Variants in FMO5 observed in about 807,000 individuals in gnomAD.
FMO5 encodes the protein flavin containing dimethylaniline monoxygenase 5.
In FMO5, 51 loss-of-function variants were observed where a neutral mutation model predicts 43.6. The ratio of observed to expected loss-of-function variants is 1.17; its 90% CI spans 0.93 to 1.48. FMO5 has a LOEUF of 1.48. Ranked by LOEUF, FMO5 falls within the 40% of genes most tolerant of loss-of-function variation. The probability of loss-of-function intolerance (pLI) is 0.00; values close to 1 mark genes in which losing one functional copy is unlikely to be tolerated. For synonymous variants in FMO5, 187 were observed against 216.5 expected (o/e 0.86, Z 1.20); for missense variants, 644 against 643.0 (o/e 1.00, Z -0.02).
intron 2 of FMO5, 73 bp from the exon 3 acceptor site, chr1:147,216,015 G>C (rs1188218328): frequency 8.4e-7 from 1 of 1,191,864 alleles, no homozygotes; most frequent in Non-Finnish European, 1.2e-6. Context: ...ATAGACATCT[G>C]AAAAAGTTTT....
rs371087873 is a variant in FMO5, at chr1:147,213,303, C to T, written c.487+5G>A. On this transcript the variant is annotated splice_donor_5th_base_variant and intron_variant, in intron 4 of 8. Transcript: ENST00000254090. Reference sequence around the variant, plus strand: ...AAGGGTCTTCCTTCCTGGTAAGCTGCTCACCAGGGAAGCTTTCCAGAGGTA... The same window carrying T: ...AAGGGTCTTCCTTCCTGGTAAGCTGTTCACCAGGGAAGCTTTCCAGAGGTA... 1.9e-6 allele frequency: 3 copies of T among 1,599,126 alleles called. No homozygotes were observed. The highest frequency in any genetic ancestry group is 2.7e-5 in the African/African-American group (2 of 74,636).
At chr1:147,220,766 A>C (rs1662863247) in intron 2 of FMO5, among the ~76,000 whole-genome samples, 1 of 152,150 alleles carries the variant, frequency 6.6e-6, no homozygotes, top group South Asian at 2.1e-4. Flanking sequence ...CAGTTATACC[A>C]GCCCCATACA....
chr1:147,199,282 G>A (rs1658577277), intron 7 of FMO5, among the ~76,000 whole-genome samples: 1 of 152,170 alleles, frequency 6.6e-6, no homozygotes, highest in Non-Finnish European at 1.5e-5. Flanking sequence ...TTGGCATAGT[G>A]AAGGGATAAT....
chr1:147,204,159 T>C, intron 6 of FMO5: 1 of 1,167,606 alleles, frequency 8.6e-7, no homozygotes, highest in Non-Finnish European at 1.3e-6. Flanking sequence ...TCAGTCTTTA[T>C]CAACACTGTT....
At chr1:147,193,083 G>A (rs1657212816) in intron 7 of FMO5, among the ~76,000 whole-genome samples, 1 of 152,140 alleles carries the variant, frequency 6.6e-6, no homozygotes, top group Non-Finnish European at 1.5e-5. Flanking sequence ...CAGAAGGAAT[G>A]GTACCAGCTC....
chr1:147,204,982 G>C lies in FMO5; in HGVS notation c.831-3478C>G, dbSNP rs115881156. Reference sequence around the variant, plus strand: ...CGTGACCGCTCAGAAGACCGCGGAGGAACCAAAGGTTTTCATGCCTGATGA... The same window carrying C: ...CGTGACCGCTCAGAAGACCGCGGAGCAACCAAAGGTTTTCATGCCTGATGA... On this transcript the variant is annotated intron_variant, in intron 6 of 8. Coordinates refer to ENST00000254090, the MANE Select transcript of FMO5 (RefSeq NM_001461.4). The C allele has an allele frequency of 3.6e-3, 3,862 of 1,087,196 alleles. 102 individuals carry two copies. In the African/African-American group the frequency reaches 0.054, roughly 15 times the overall value. 67.3% of individuals were successfully genotyped at this position (1,087,196 alleles called of 1,614,324 possible).
chr1:147,216,267 C>T (rs894472), intron 2 of FMO5, among the ~76,000 whole-genome samples: 5,608 of 152,240 alleles, frequency 0.037, 107 homozygotes, highest in African/African-American at 0.047. Flanking sequence ...TACCATGAGA[C>T]CACCATAGCT....
chr1:147,209,087 C>T lies in FMO5; in HGVS notation c.631-36G>A, dbSNP rs782512753. ...GAAGAAATTGTTTGCTTTTGTCACT[C>T]AGATTCGTAAACCTTCAAAAGCACC... On this transcript the variant is annotated intron_variant, in intron 5 of 8. Transcript: ENST00000254090. The T allele has an allele frequency of 1.9e-6, 3 of 1,580,696 alleles. No individual in the cohort carries two copies. In the South Asian group the frequency reaches 3.4e-5, roughly 18 times the overall value.
chr1:147,218,152 T>C (rs1335961837), intron 2 of FMO5, among the ~76,000 whole-genome samples: 3 of 152,208 alleles, frequency 2.0e-5, no homozygotes, highest in Admixed American at 6.5e-5. Flanking sequence ...TATATTTTTG[T>C]ATAACTTAAA....
At chr1:147,187,345 C>T in intron 8 of FMO5, 100 bp from the exon 9 acceptor site, 1 of 786,720 alleles carries the variant, frequency 1.3e-6, no homozygotes. Flanking sequence ...CAATATCAGA[C>T]TAGGAGCTGT....
At chr1:147,188,522 CAAAAAAAA>C (rs10552833) in intron 8 of FMO5, among the ~76,000 whole-genome samples, 1 of 61,252 alleles carries the variant, frequency 1.6e-5, no homozygotes, top group African/African-American at 6.4e-5. Context: ...GACCCCATAT[CAAAAAAAA>C]AAAAAAAAAA....
At chr1:147,218,054 T>C (rs1662318322) in intron 2 of FMO5, among the ~76,000 whole-genome samples, 1 of 152,210 alleles carries the variant, frequency 6.6e-6, no homozygotes, top group Non-Finnish European at 1.5e-5. Context: ...TCAACATTTA[T>C]CTCAAAAAGA....
At chr1:147,204,138 T>C in intron 6 of FMO5, 1 of 1,066,496 alleles carries the variant, frequency 9.4e-7, no homozygotes, top group South Asian at 1.2e-5. Flanking sequence ...CTTAAATTCA[T>C]CAATTCTTCA....
rs1553923098 is a variant in FMO5, at chr1:147,208,980, C to T, written c.702G>A (p.Val234=). ...AATGTGTAAGTCGAGAAGAGAACAA[C>T]ACATCAGCAGGATATCCGTAGTCCC... ...RVGDYGYPAD[V]LFSSRLTHFI... The change falls in exon 6 of 9, where the codon GTG becomes GTA. Residue 234 remains valine (V), a synonymous_variant. Coordinates refer to ENST00000254090, the MANE Select transcript of FMO5 (RefSeq NM_001461.4). 6.2e-7 allele frequency: 1 copy of T among 1,614,068 alleles called. No homozygotes were observed. The highest frequency in any genetic ancestry group is 2.2e-5 in the East Asian group (1 of 44,882).
At chr1:147,209,849 C>G (rs1269842948) in intron 5 of FMO5, 1 of 152,128 alleles carries the variant, frequency 6.6e-6, no homozygotes, top group African/African-American at 2.4e-5. Flanking sequence ...TAATCTAAAA[C>G]CCTCATTCTT....
At chr1:147,203,498 T>A in intron 6 of FMO5, 1 of 860,804 alleles carries the variant, frequency 1.2e-6, no homozygotes, top group Non-Finnish European at 2.0e-6. Context: ...ACATTTTTAT[T>A]TCCTTCTTGA....
intron 3 of FMO5, among the ~76,000 whole-genome samples, chr1:147,214,040 A>T (rs1661518690): frequency 6.6e-6 from 1 of 152,154 alleles, no homozygotes; most frequent in South Asian, 2.1e-4. Context: ...GTGAAACAGG[A>T]TAGTGTTATG....
At chr1:147,204,132 A>G in intron 6 of FMO5, 1 of 1,052,616 alleles carries the variant, frequency 9.5e-7, no homozygotes, top group Non-Finnish European at 1.5e-6. Flanking sequence ...CCCTTACTTA[A>G]ATTCATCAAT....
chr1:147,215,743 C>T lies in FMO5; in HGVS notation c.324+11G>A, dbSNP rs782697079. 7 of 1,577,486 alleles carry T rather than the reference C, an allele frequency of 4.4e-6. No individual in the cohort carries two copies. Among genetic ancestry groups the T allele is most frequent in the East Asian group, 2.3e-5 (1 of 44,392 alleles). ...AACTTCAAACACAAAGATACCCACA[C>T]AATTTTCTACCTTAAATCGAATATA... On this transcript the variant is annotated intron_variant, in intron 3 of 8. Coordinates refer to ENST00000254090, the MANE Select transcript of FMO5 (RefSeq NM_001461.4).
Sources: allele counts gnomAD v4.1 joint callset (sites outside exome capture counted in the v4.1 genomes callset), GRCh38; gene constraint gnomAD v4.1.1; transcripts MANE v1.5; gene names NCBI Gene and HGNC (gene_info 2026-07-23, HGNC 2026-07-21).